Variants in GRID1 observed in about 807,000 individuals in gnomAD.
GRID1 encodes the protein glutamate ionotropic receptor delta type subunit 1.
Under a neutral mutation model 98.0 loss-of-function variants are expected in GRID1, and 28 were observed. The observed-to-expected ratio is 0.29, with a 90% CI of 0.21 to 0.39. The LOEUF is 0.39. GRID1 is among the 10% of genes least tolerant of loss of function. The pLI is 1.00. For missense variants in GRID1, 1,111 were observed against 1,340.5 expected (o/e 0.83, Z 2.67); for synonymous variants, 553 against 538.5 (o/e 1.03, Z -0.37).
intron 8 of GRID1, among the ~76,000 whole-genome samples, chr10:85,768,255 A>G (rs1842216447): frequency 6.6e-6 from 1 of 152,236 alleles, no homozygotes; most frequent in Non-Finnish European, 1.5e-5. Context: ...TTCACACAAC[A>G]CACAATACAC....
chr10:86,297,711 G>A (rs1339282357), intron 2 of GRID1, among the ~76,000 whole-genome samples: 12 of 152,142 alleles, frequency 7.9e-5, no homozygotes, highest in Middle Eastern at 3.2e-3. Context: ...GTCAGGCAGC[G>A]TTGATAACTA....
chr10:86,176,594 G>T lies in GRID1; in HGVS notation c.520+29770C>A, dbSNP rs374192619. ...TGCAAAAGAAGGGAGGGGCCAGGTGGGAAAGGGTCCTGGATATGAAGCTGC... is the reference window on the plus strand; with the variant it reads ...TGCAAAAGAAGGGAGGGGCCAGGTGTGAAAGGGTCCTGGATATGAAGCTGC... On this transcript the variant is annotated intron_variant, in intron 3 of 15. Transcript: ENST00000327946. Among the ~76,000 whole-genome samples, 17 of 152,326 alleles carry T rather than the reference G, an allele frequency of 1.1e-4. No homozygotes were observed. In the East Asian group the frequency reaches 1.2e-3, roughly 10 times the overall value.
At chr10:85,949,883 A>G (rs533457521) in intron 4 of GRID1, among the ~76,000 whole-genome samples, 36 of 152,038 alleles carry the variant, frequency 2.4e-4, no homozygotes, top group African/African-American at 8.2e-4. Flanking sequence ...GATACATATA[A>G]AAAGAGAGAG....
chr10:86,074,659 T>C (rs556353331), intron 4 of GRID1, among the ~76,000 whole-genome samples: 1 of 152,314 alleles, frequency 6.6e-6, no homozygotes, highest in East Asian at 1.9e-4. Flanking sequence ...ACAGTAAACA[T>C]AGGGGTCAAG....
rs1315470545 is a variant in GRID1 at position 85,979,136 on chromosome 10, A to G, written c.727-62897T>C. 2.0e-5 allele frequency among the ~76,000 whole-genome samples: 3 copies of G among 152,082 alleles called. No individual in the cohort carries two copies. In the East Asian group the frequency reaches 5.8e-4, roughly 29 times the overall value. On this transcript the variant is annotated intron_variant, in intron 4 of 15. Transcript: ENST00000327946. ...GAGGTCTGGCTGCACACAGCTGAGGACCAAGGTTGTGAGTGCACAGAGGAA... is the reference window on the plus strand; with the variant it reads ...GAGGTCTGGCTGCACACAGCTGAGGGCCAAGGTTGTGAGTGCACAGAGGAA...
chr10:85,663,023 T>G (rs987451679), intron 12 of GRID1, among the ~76,000 whole-genome samples: 1 of 152,140 alleles, frequency 6.6e-6, no homozygotes, highest in African/African-American at 2.4e-5. Context: ...ACAGTTCTCC[T>G]TCCTAAACAT....
chr10:85,878,270 C>T (rs532525800), intron 5 of GRID1, among the ~76,000 whole-genome samples: 67 of 152,038 alleles, frequency 4.4e-4, no homozygotes, highest in Admixed American at 9.8e-4. Flanking sequence ...ATACAGAGAA[C>T]GCCACAAAGA....
At chr10:86,216,866 G>A (rs1846184038) in intron 2 of GRID1, among the ~76,000 whole-genome samples, 1 of 152,172 alleles carries the variant, frequency 6.6e-6, no homozygotes, top group Non-Finnish European at 1.5e-5. Flanking sequence ...GGAAAGAAAG[G>A]GACAGGTGTG....
intron 2 of GRID1, among the ~76,000 whole-genome samples, chr10:86,241,760 G>A (rs1468838675): frequency 6.6e-6 from 1 of 152,140 alleles, no homozygotes; most frequent in African/African-American, 2.4e-5. Flanking sequence ...GTCCTGCTGA[G>A]ACAAACCCCC....
chr10:85,636,803 C>A (rs564410685), intron 13 of GRID1, among the ~76,000 whole-genome samples: 82 of 152,200 alleles, frequency 5.4e-4, no homozygotes, highest in African/African-American at 1.9e-3. Flanking sequence ...TCATTCAAAG[C>A]CCTGCTTTTG....
At chr10:85,970,512 A>G (rs1010899283) in intron 4 of GRID1, among the ~76,000 whole-genome samples, 1 of 152,102 alleles carries the variant, frequency 6.6e-6, no homozygotes, top group Non-Finnish European at 1.5e-5. Context: ...GATTTGTTTA[A>G]CATCTGAAAA....
At chr10:85,730,993 C>T (rs548731741) in intron 8 of GRID1, among the ~76,000 whole-genome samples, 1 of 152,156 alleles carries the variant, frequency 6.6e-6, no homozygotes, top group East Asian at 1.9e-4. Context: ...AGAAGAAGAA[C>T]TCCAGTGGAA....
chr10:86,111,597 A>C (rs1473364336), intron 4 of GRID1, among the ~76,000 whole-genome samples: 1 of 152,234 alleles, frequency 6.6e-6, no homozygotes, highest in African/African-American at 2.4e-5. Flanking sequence ...CTCACTTAAC[A>C]GGTGGAATAT....
chr10:85,884,974 A>G (rs1841091339), intron 5 of GRID1, among the ~76,000 whole-genome samples: 2 of 152,164 alleles, frequency 1.3e-5, no homozygotes, highest in South Asian at 4.1e-4. Context: ...AAGTAAAAAA[A>G]AAGACTCTTT....
At chr10:86,046,431 A>C (rs756839673) in intron 4 of GRID1, among the ~76,000 whole-genome samples, 1 of 152,164 alleles carries the variant, frequency 6.6e-6, no homozygotes, top group African/African-American at 2.4e-5. Context: ...GGGCAAATCC[A>C]GGAACCTTCA....
intron 3 of GRID1, among the ~76,000 whole-genome samples, chr10:86,178,269 T>C (rs1162030751): frequency 6.6e-6 from 1 of 152,106 alleles, no homozygotes; most frequent in Admixed American, 6.5e-5. Flanking sequence ...GAGCATTTTT[T>C]TTCTTACGTT....
Position 86,049,634 on chromosome 10 carries a change from G to A in GRID1, c.726+89185C>T, listed in dbSNP as rs184090365. 1.0e-3 allele frequency among the ~76,000 whole-genome samples: 158 copies of A among 152,302 alleles called. 1 individual carries two copies. Among genetic ancestry groups the A allele is most frequent in the Non-Finnish European group, 1.9e-3 (127 of 68,036 alleles). On this transcript the variant is annotated intron_variant, in intron 4 of 15. Coordinates refer to ENST00000327946, the MANE Select transcript of GRID1 (RefSeq NM_017551.3). ...CAATGGGAACCCTGCCAGAATCAAG[G>A]TGACTCTAGATGACATGCATTTTCC...
intron 12 of GRID1, among the ~76,000 whole-genome samples, chr10:85,670,521 C>T (rs1841073051): frequency 6.6e-6 from 1 of 152,192 alleles, no homozygotes; most frequent in African/African-American, 2.4e-5. Context: ...TTTAAAATGG[C>T]ACCTAGACCC....
At chr10:85,740,559 C>T (rs1841930781) in intron 8 of GRID1, among the ~76,000 whole-genome samples, 1 of 152,070 alleles carries the variant, frequency 6.6e-6, no homozygotes, top group Admixed American at 6.6e-5. Context: ...ACATCGTTCC[C>T]TTCCTTTGTC....
Sources: gnomAD v4.1 joint callset for allele counts (sites outside exome capture counted in the v4.1 genomes callset) on GRCh38, gnomAD v4.1.1 for gene constraint, MANE v1.5 for transcripts, NCBI Gene and HGNC (gene_info 2026-07-23, HGNC 2026-07-21) for gene names.